Variants in GXYLT1 observed in about 807,000 individuals in gnomAD.
GXYLT1 encodes the protein glucoside xylosyltransferase 1.
In GXYLT1, 29 loss-of-function variants were observed where a neutral mutation model predicts 54.0. That is an observed-to-expected ratio of 0.54 (90% CI 0.40 to 0.73). GXYLT1 has a LOEUF of 0.73. GXYLT1 is among the 30% of genes least tolerant of loss of function. The pLI, the probability that GXYLT1 is intolerant of heterozygous loss-of-function variation, is 0.00. For missense variants in GXYLT1, 490 were observed against 553.4 expected, an observed-to-expected ratio of 0.89 and a Z score of 1.15; for synonymous variants, 176 against 204.1, an observed-to-expected ratio of 0.86 and a Z score of 1.17.
intron 1 of GXYLT1, among the ~76,000 whole-genome samples, chr12:42,141,363 A>T (rs2065651502): frequency 6.6e-6 from 1 of 152,218 alleles, no homozygotes; most frequent in South Asian, 2.1e-4. Context: ...TCATTTCAAA[A>T]ACTGTATAAG....
At chr12:42,129,984 G>A (rs2065585290) in intron 1 of GXYLT1, 133 bp from the exon 2 acceptor site, 2 of 580,136 alleles carry the variant, frequency 3.4e-6, no homozygotes. Flanking sequence ...AAATTGCTAT[G>A]ATAAAGATTT....
At chr12:42,117,754 T>A (rs1247190935) in intron 3 of GXYLT1, among the ~76,000 whole-genome samples, 1 of 152,216 alleles carries the variant, frequency 6.6e-6, no homozygotes, top group Non-Finnish European at 1.5e-5. Context: ...CTATCTGTTC[T>A]CTTATTGTAC....
At chr12:42,105,411 C>T (rs534092494) in intron 5 of GXYLT1, among the ~76,000 whole-genome samples, 60 of 152,256 alleles carry the variant, frequency 3.9e-4, no homozygotes, top group Non-Finnish European at 5.3e-4. Flanking sequence ...TTCCATTTTA[C>T]GGGTGAGAAC....
At chr12:42,118,319 G>A (rs2065509180) in intron 3 of GXYLT1, among the ~76,000 whole-genome samples, 1 of 152,260 alleles carries the variant, frequency 6.6e-6, no homozygotes, top group South Asian at 2.1e-4. Flanking sequence ...GCACTCCCAA[G>A]GAAAGGATAT....
chr12:42,133,268 ACT>A (rs1172055056), intron 1 of GXYLT1, among the ~76,000 whole-genome samples: 3 of 151,922 alleles, frequency 2.0e-5, no homozygotes, highest in African/African-American at 7.3e-5. Context: ...ACAGAGAAAG[ACT>A]CTGTCTCAAA....
intron 4 of GXYLT1, among the ~76,000 whole-genome samples, chr12:42,109,318 A>T (rs906390295): frequency 6.6e-6 from 1 of 152,198 alleles, no homozygotes; most frequent in Non-Finnish European, 1.5e-5. Flanking sequence ...CCGCAACTGA[A>T]TATATTAAAC....
chr12:42,094,624 A>T (rs1295406555), intron 7 of GXYLT1, among the ~76,000 whole-genome samples: 1 of 151,908 alleles, frequency 6.6e-6, no homozygotes, highest in Non-Finnish European at 1.5e-5. Context: ...GTGCCACTGC[A>T]CTCCAGCCTG....
rs758288439 is a variant in GXYLT1, at chr12:42,097,899, T to C, written c.988+11A>G. ...TTTTTTAATGCAAATAAAAGGAATTTAAATAATTACCTGGATTATGAAAAA... is the reference window on the plus strand; with the variant it reads ...TTTTTTAATGCAAATAAAAGGAATTCAAATAATTACCTGGATTATGAAAAA... On this transcript the variant is annotated intron_variant, in intron 6 of 7. Transcript: ENST00000398675. The C allele has an allele frequency of 6.4e-7, 1 of 1,560,538 alleles. No homozygotes were observed. The highest frequency in any genetic ancestry group is 8.7e-7 in the Non-Finnish European group (1 of 1,144,478).
intron 2 of GXYLT1, among the ~76,000 whole-genome samples, chr12:42,127,014 G>A (rs909266505): frequency 6.6e-6 from 1 of 152,040 alleles, no homozygotes; most frequent in Non-Finnish European, 1.5e-5. Flanking sequence ...TATGTTCACT[G>A]TATAATAAAT....
At chr12:42,108,783 C>T (rs1344577001) in intron 4 of GXYLT1, among the ~76,000 whole-genome samples, 1 of 152,136 alleles carries the variant, frequency 6.6e-6, no homozygotes, top group Non-Finnish European at 1.5e-5. Context: ...TAAGAAGTAA[C>T]TGAAGGTTCT....
chr12:42,118,689 C>T (rs1268374446), intron 3 of GXYLT1, among the ~76,000 whole-genome samples: 2 of 152,308 alleles, frequency 1.3e-5, no homozygotes, highest in East Asian at 3.9e-4. Context: ...TTCCCCCTTA[C>T]TGTTCTTGTG....
rs1020967563 is a variant in GXYLT1 at position 42,082,053 on chromosome 12, T to C, written c.*5733A>G. 3 of 152,188 alleles carry C rather than the reference T, an allele frequency of 2.0e-5. No homozygotes were observed. The highest frequency in any genetic ancestry group is 7.2e-5 in the African/African-American group (3 of 41,448). 9.4% of individuals were successfully genotyped at this position (152,188 alleles called of 1,614,324 possible). A position where few individuals can be genotyped will look rare whatever the true frequency, so the allele number is the denominator to read the frequency against. ...TACTTAGAGGAAAATATTCACAGTATACCAAAACATTTTAAGATAAAGAGC... is the reference window on the plus strand; with the variant it reads ...TACTTAGAGGAAAATATTCACAGTACACCAAAACATTTTAAGATAAAGAGC... On this transcript the variant is annotated 3_prime_UTR_variant, in exon 8 of 8. Transcript: ENST00000398675.
At chr12:42,106,554 C>T (rs2065422304) in intron 4 of GXYLT1, among the ~76,000 whole-genome samples, 1 of 151,946 alleles carries the variant, frequency 6.6e-6, no homozygotes, top group African/African-American at 2.4e-5. Context: ...CCAGGCAATC[C>T]AGATTCAGAG....
intron 1 of GXYLT1, among the ~76,000 whole-genome samples, chr12:42,133,289 C>G (rs750534969): frequency 1.5e-4 from 23 of 152,016 alleles, no homozygotes; most frequent in Non-Finnish European, 2.6e-4. Context: ...AAAAACCAAC[C>G]AACCAACCAA....
chr12:42,118,969 C>G (rs1290794461), intron 3 of GXYLT1, 31 bp downstream of exon 3: 2 of 1,486,884 alleles, frequency 1.3e-6, no homozygotes, highest in Non-Finnish European at 1.8e-6. Flanking sequence ...ATATTCAACT[C>G]TACAACCTTG....
chr12:42,134,258 C>T (rs1449695922), intron 1 of GXYLT1, among the ~76,000 whole-genome samples: 3 of 151,948 alleles, frequency 2.0e-5, no homozygotes, highest in Non-Finnish European at 4.4e-5. Context: ...AATCCTGGAC[C>T]CTGTCAGAAA....
intron 1 of GXYLT1, among the ~76,000 whole-genome samples, chr12:42,141,158 C>A (rs1419897690): frequency 6.6e-6 from 1 of 152,188 alleles, no homozygotes; most frequent in African/African-American, 2.4e-5. Flanking sequence ...TCCCAAGTAA[C>A]ACTGACTGGT....
At position 42,098,086 on chromosome 12, in the gene GXYLT1, G is replaced by C. The variant is rs2065367385; in HGVS notation, c.865-53C>G. On this transcript the variant is annotated intron_variant, in intron 5 of 7. Coordinates refer to ENST00000398675, the MANE Select transcript of GXYLT1 (RefSeq NM_173601.2). ...TCAGACTTTCAGGCTTAAAATGGCA[G>C]CATGATGACAGTTCCTCATTCTTCC... 4.1e-5 allele frequency: 64 copies of C among 1,560,000 alleles called. No individual in the cohort carries two copies. The South Asian group carries it at 7.3e-4, about 18-fold the overall frequency.
intron 3 of GXYLT1, among the ~76,000 whole-genome samples, chr12:42,116,265 C>A (rs939889796): frequency 1.3e-5 from 2 of 152,078 alleles, no homozygotes; most frequent in Admixed American, 6.6e-5. Flanking sequence ...GCAACAAAAG[C>A]CAAAATTGAC....
Sources: allele counts gnomAD v4.1 joint callset (sites outside exome capture counted in the v4.1 genomes callset), GRCh38; gene constraint gnomAD v4.1.1; transcripts MANE v1.5; gene names NCBI Gene and HGNC (gene_info 2026-07-23, HGNC 2026-07-21).